FAM13B: variants seen among roughly 807,000 people sequenced by gnomAD.
FAM13B encodes the protein protein FAM13B.
FAM13B carries 60 observed loss-of-function variants against 117.3 expected under a neutral mutation model. That is an observed-to-expected ratio of 0.51 (90% CI 0.42 to 0.63). FAM13B has a LOEUF of 0.63. FAM13B is among the 30% of genes least tolerant of loss of function. The pLI, the probability that FAM13B is intolerant of heterozygous loss-of-function variation, is 0.00. For synonymous variants in FAM13B, 332 were observed against 356.1 expected, an observed-to-expected ratio of 0.93 and a Z score of 0.76; for missense variants, 972 against 1,091.9, an observed-to-expected ratio of 0.89 and a Z score of 1.55.
Position 138,021,082 on chromosome 5 carries a change from CCTCA to C in FAM13B, c.-91_-88del. The C allele has an allele frequency of 8.1e-7, 1 of 1,231,616 alleles. No homozygotes were observed. Among genetic ancestry groups the C allele is most frequent in the Non-Finnish European group, 1.0e-6 (1 of 987,932 alleles). 76.3% of individuals were successfully genotyped at this position (1,231,616 alleles called of 1,614,324 possible). On this transcript the variant is annotated 5_prime_UTR_variant, in exon 2 of 24. The change creates a premature stop within an existing upstream ORF in the 5' untranslated region. Coordinates refer to ENST00000689681, the MANE Select transcript of FAM13B (RefSeq NM_001385994.1). Reference sequence around the variant, plus strand: ...AAAAAATGGCTTCTGCACCAGCTACCCTCACTGAGCAAGCATTCTTTTGTCATTT... The same window carrying C: ...AAAAAATGGCTTCTGCACCAGCTACCCTGAGCAAGCATTCTTTTGTCATTT...
intron 1 of FAM13B, among the ~76,000 whole-genome samples, chr5:138,046,721 G>A (rs1427448750): frequency 6.6e-6 from 1 of 151,992 alleles, no homozygotes; most frequent in Non-Finnish European, 1.5e-5. Flanking sequence ...TACTATATCA[G>A]AATAAGGGTA....
At chr5:138,036,221 C>G, upstream of FAM13B, 1 of 355,164 alleles carries the variant, frequency 2.8e-6, no homozygotes, top group Admixed American at 3.8e-5. Flanking sequence ...TTTGTCCAAA[C>G]TAAATTACAA....
rs1786612288 is a variant in FAM13B, at chr5:138,021,184, C to G, written c.-189G>C. ...GAAGAAATGCAGAACTCGATCAGTA[C>G]TTCAGCAGTTAATCTACAAGACAAA... On this transcript the variant is annotated 5_prime_UTR_variant, in exon 2 of 24. Coordinates refer to ENST00000689681, the MANE Select transcript of FAM13B (RefSeq NM_001385994.1). The G allele has an allele frequency of 8.1e-7, 1 of 1,231,524 alleles. No homozygotes were observed. The highest frequency in any genetic ancestry group is 4.2e-5 in the Admixed American group (1 of 23,698). 76.3% of individuals were successfully genotyped at this position (1,231,524 alleles called of 1,614,324 possible).
chr5:137,958,004 C>T (rs761866064), intron 13 of FAM13B, among the ~76,000 whole-genome samples: 2 of 152,226 alleles, frequency 1.3e-5, no homozygotes, highest in South Asian at 2.1e-4. Context: ...TTAATCAGGA[C>T]TCCCAGGCCA....
rs1424328990 is a variant in FAM13B at position 137,939,936 on chromosome 5, A to G, written c.*289T>C. 5 of 1,356,720 alleles carry G rather than the reference A, an allele frequency of 3.7e-6. No homozygotes were observed. Among genetic ancestry groups the G allele is most frequent in the Non-Finnish European group, 4.8e-6 (5 of 1,051,678 alleles). 84.0% of individuals were successfully genotyped at this position (1,356,720 alleles called of 1,614,324 possible). ...CTTGAAGTTGAAAGGATAAAATTCC[A>G]GTCTTTTGCTAAAAGGATGTATCTG... On this transcript the variant is annotated 3_prime_UTR_variant, in exon 24 of 24. Coordinates refer to ENST00000689681, the MANE Select transcript of FAM13B (RefSeq NM_001385994.1).
At chr5:137,957,594 T>C (rs888690671) in intron 13 of FAM13B, among the ~76,000 whole-genome samples, 1 of 151,750 alleles carries the variant, frequency 6.6e-6, no homozygotes, top group Admixed American at 6.6e-5. Context: ...CAATCAATGT[T>C]TGCATTAGTG....
intron 1 of FAM13B, among the ~76,000 whole-genome samples, chr5:138,028,825 C>A (rs1015532771): frequency 1.2e-4 from 19 of 152,184 alleles, no homozygotes; most frequent in South Asian, 2.1e-4. Flanking sequence ...TTGAGACCAG[C>A]GTGGCCAACA....
chr5:138,014,117 T>C (rs1161469656), intron 4 of FAM13B, among the ~76,000 whole-genome samples: 1 of 152,166 alleles, frequency 6.6e-6, no homozygotes, highest in Non-Finnish European at 1.5e-5. Context: ...TTGAAGTTTC[T>C]GTAACAACAG....
chr5:137,956,268 C>A (rs1766529213), intron 14 of FAM13B, among the ~76,000 whole-genome samples: 1 of 152,100 alleles, frequency 6.6e-6, no homozygotes, highest in Non-Finnish European at 1.5e-5. Flanking sequence ...TACCTGTGCC[C>A]CAGCAAATAA....
At chr5:138,044,259 A>C (rs1791580404) in intron 1 of FAM13B, among the ~76,000 whole-genome samples, 1 of 152,166 alleles carries the variant, frequency 6.6e-6, no homozygotes, top group Non-Finnish European at 1.5e-5. Context: ...AGCTTTTAAA[A>C]AAAGATAATA....
chr5:138,022,978 C>A (rs527324719), intron 1 of FAM13B, among the ~76,000 whole-genome samples: 2 of 152,110 alleles, frequency 1.3e-5, no homozygotes, highest in South Asian at 4.2e-4. Flanking sequence ...CATGTACACA[C>A]CACCATACCC....
intron 20 of FAM13B, among the ~76,000 whole-genome samples, chr5:137,944,576 G>C (rs1581043327): frequency 6.6e-6 from 1 of 152,168 alleles, no homozygotes; most frequent in East Asian, 1.9e-4. Flanking sequence ...GACCAGCCTG[G>C]CCAAGATGGT....
At chr5:137,945,365 T>C (rs1296226131) in intron 20 of FAM13B, among the ~76,000 whole-genome samples, 1 of 152,244 alleles carries the variant, frequency 6.6e-6, no homozygotes, top group Non-Finnish European at 1.5e-5. Flanking sequence ...TTCATTTTTC[T>C]TTAAAAATGC....
At chr5:137,949,624 A>G (rs953065050) in intron 17 of FAM13B, among the ~76,000 whole-genome samples, 1 of 152,190 alleles carries the variant, frequency 6.6e-6, no homozygotes, top group East Asian at 1.9e-4. Flanking sequence ...TACTAAAAAT[A>G]CAAAAGTTAG....
At chr5:138,013,390 A>T (rs1276076844) in intron 4 of FAM13B, among the ~76,000 whole-genome samples, 1 of 151,514 alleles carries the variant, frequency 6.6e-6, no homozygotes, top group African/African-American at 2.4e-5. Context: ...AGTCCCAGCT[A>T]CTCAGGAGAC....
chr5:138,004,920 T>C (rs1782170235), intron 7 of FAM13B, among the ~76,000 whole-genome samples: 1 of 152,060 alleles, frequency 6.6e-6, no homozygotes, highest in Non-Finnish European at 1.5e-5. Context: ...ATGGCCACCT[T>C]ATTGGAGAGC....
At chr5:137,962,164 CA>C (rs950697875) in intron 11 of FAM13B, among the ~76,000 whole-genome samples, 1 of 152,114 alleles carries the variant, frequency 6.6e-6, no homozygotes, top group African/African-American at 2.4e-5. Flanking sequence ...TAAATGTCTC[CA>C]AAAAGGCTGT....
intron 7 of FAM13B, among the ~76,000 whole-genome samples, chr5:137,998,397 T>C (rs1394722746): frequency 6.6e-6 from 1 of 152,222 alleles, no homozygotes; most frequent in African/African-American, 2.4e-5. Context: ...TTGAGTACAT[T>C]TCTTTTTTAA....
chr5:138,036,051 G>A (rs1487070143), upstream of FAM13B: 6 of 262,928 alleles, frequency 2.3e-5, no homozygotes, highest in Non-Finnish European at 3.8e-5. Flanking sequence ...TGTCAGATAG[G>A]ATCTGAGATG....
Sources: gnomAD v4.1 joint callset for allele counts (sites outside exome capture counted in the v4.1 genomes callset) on GRCh38, gnomAD v4.1.1 for gene constraint, MANE v1.5 for transcripts, NCBI Gene and HGNC (gene_info 2026-07-23, HGNC 2026-07-21) for gene names.